HSDL2: variants seen among roughly 807,000 people sequenced by gnomAD.
HSDL2 encodes hydroxysteroid dehydrogenase like 2.
A neutral mutation model predicts 46.3 loss-of-function variants in HSDL2; 27 were observed. That is an observed-to-expected ratio of 0.58 (90% CI 0.43 to 0.80). The LOEUF is 0.80. Ranked by LOEUF, HSDL2 falls within the 30% of genes least tolerant of loss-of-function variation. HSDL2 has a pLI of 0.00. For missense variants in HSDL2, 451 were observed against 502.7 expected (o/e 0.90, Z 0.98); for synonymous variants, 153 against 163.6 (o/e 0.94, Z 0.50).
intron 6 of HSDL2, among the ~76,000 whole-genome samples, chr9:112,426,702 A>G (rs925358924): frequency 1.3e-5 from 2 of 152,222 alleles, no homozygotes; most frequent in African/African-American, 4.8e-5. Flanking sequence ...GAAATAAAGA[A>G]CCAGTCCCTC....
At chr9:112,400,577 A>G (rs1179733902) in intron 1 of HSDL2, among the ~76,000 whole-genome samples, 1 of 152,264 alleles carries the variant, frequency 6.6e-6, no homozygotes, top group Non-Finnish European at 1.5e-5. Flanking sequence ...ACTGCACTCC[A>G]TCCTGGTGAC....
At chr9:112,462,919 A>G (rs1158818239) in intron 10 of HSDL2, among the ~76,000 whole-genome samples, 1 of 152,198 alleles carries the variant, frequency 6.6e-6, no homozygotes, top group Non-Finnish European at 1.5e-5. Context: ...ATTTCTGGAC[A>G]TTTTATATAT....
chr9:112,428,594 G>A (rs996107225), intron 6 of HSDL2, among the ~76,000 whole-genome samples: 1 of 152,136 alleles, frequency 6.6e-6, no homozygotes, highest in Admixed American at 6.6e-5. Flanking sequence ...TAGTGGAATC[G>A]AATAGAAAAT....
intron 10 of HSDL2, among the ~76,000 whole-genome samples, chr9:112,469,168 T>C (rs935942193): frequency 6.6e-6 from 1 of 152,148 alleles, no homozygotes; most frequent in African/African-American, 2.4e-5. Context: ...TTTCTACCTA[T>C]AATAACTCCA....
chr9:112,406,719 C>G (rs1351783223), intron 3 of HSDL2, among the ~76,000 whole-genome samples: 1 of 152,230 alleles, frequency 6.6e-6, no homozygotes, highest in African/African-American at 2.4e-5. Context: ...CCACCCAACT[C>G]AGCCTCCCAA....
At chr9:112,443,180 C>G (rs1317313369) in intron 8 of HSDL2, among the ~76,000 whole-genome samples, 1 of 152,166 alleles carries the variant, frequency 6.6e-6, no homozygotes, top group African/African-American at 2.4e-5. Flanking sequence ...TTGGATCTGT[C>G]TTTTAGAAGA....
intron 6 of HSDL2, among the ~76,000 whole-genome samples, chr9:112,422,846 T>G (rs999922910): frequency 6.6e-6 from 1 of 152,220 alleles, no homozygotes; most frequent in African/African-American, 2.4e-5. Flanking sequence ...TTCCAAGCCT[T>G]CAGGCAGAAT....
chr9:112,388,002 T>G (rs771388085), intron 1 of HSDL2, among the ~76,000 whole-genome samples: 1 of 151,386 alleles, frequency 6.6e-6, no homozygotes, highest in Non-Finnish European at 1.5e-5. Flanking sequence ...CCACAAAAAA[T>G]AAAAAAATTA....
chr9:112,460,500 A>G (rs532409548), intron 10 of HSDL2, among the ~76,000 whole-genome samples: 93 of 152,322 alleles, frequency 6.1e-4, no homozygotes, highest in African/African-American at 2.1e-3. Context: ...TGGAATCCCA[A>G]TGCTTTGGGA....
chr9:112,421,799 G>A (rs1564117237), intron 6 of HSDL2, among the ~76,000 whole-genome samples: 1 of 152,180 alleles, frequency 6.6e-6, no homozygotes, highest in Non-Finnish European at 1.5e-5. Flanking sequence ...TGGAATTCAT[G>A]TCCCTGCCGT....
At chr9:112,450,910 C>T (rs1832870961) in intron 8 of HSDL2, among the ~76,000 whole-genome samples, 1 of 152,018 alleles carries the variant, frequency 6.6e-6, no homozygotes, top group Non-Finnish European at 1.5e-5. Flanking sequence ...TCTTCAAAAA[C>T]AACTTTTTGA....
chr9:112,413,347 A>G (rs1477116179), intron 4 of HSDL2, among the ~76,000 whole-genome samples: 1 of 151,932 alleles, frequency 6.6e-6, no homozygotes, highest in African/African-American at 2.4e-5. Flanking sequence ...GTGTGGTGGC[A>G]CACGCCTGTA....
At chr9:112,386,656 C>A (rs995345578) in intron 1 of HSDL2, among the ~76,000 whole-genome samples, 5 of 151,436 alleles carry the variant, frequency 3.3e-5, no homozygotes, top group African/African-American at 7.3e-5. Context: ...TGGTGATGCA[C>A]ACCCGTGATC....
intron 5 of HSDL2, among the ~76,000 whole-genome samples, chr9:112,417,344 G>T (rs562493937): frequency 6.6e-6 from 1 of 151,914 alleles, no homozygotes; most frequent in African/African-American, 2.4e-5. Context: ...TCTTAGACAG[G>T]TATGCACCTG....
rs1314444645 is a variant in HSDL2, at chr9:112,471,746, G to C, written c.*1202G>C. On this transcript the variant is annotated 3_prime_UTR_variant, in exon 11 of 11. Transcript: ENST00000398805. ...CCCTAGCAAGCTAATACAGTGGTTT[G>C]AGAGGCTGGGAGGGTTGAGGGGAAG... 6.6e-6 allele frequency: 1 copy of C among 152,162 alleles called. No individual in the cohort carries two copies. The highest frequency in any genetic ancestry group is 2.4e-5 in the African/African-American group (1 of 41,448). The allele number at this position is 152,162 out of a possible 1,614,324, so 9.4% of individuals were successfully genotyped here. A position where few individuals can be genotyped will look rare whatever the true frequency, so the allele number is the denominator to read the frequency against.
In HSDL2 at chr9:112,465,713, G is replaced by A. The variant is rs150338888; in HGVS notation, c.1145-4719G>A. Reference sequence around the variant, plus strand: ...CATAATGTTTTTGAGGTTCATCCAAGCTGTAGCATGTATCAGCACCTCATT... The same window carrying A: ...CATAATGTTTTTGAGGTTCATCCAAACTGTAGCATGTATCAGCACCTCATT... On this transcript the variant is annotated intron_variant, in intron 10 of 10. Coordinates refer to ENST00000398805, the MANE Select transcript of HSDL2 (RefSeq NM_032303.5). Among the ~76,000 whole-genome samples, 6 of 152,284 alleles carry A rather than the reference G, an allele frequency of 3.9e-5. No individual in the cohort carries two copies. In the East Asian group the frequency reaches 1.2e-3, roughly 29 times the overall value.
chr9:112,466,646 T>G (rs1833397425), intron 10 of HSDL2, among the ~76,000 whole-genome samples: 1 of 152,218 alleles, frequency 6.6e-6, no homozygotes, highest in Non-Finnish European at 1.5e-5. Flanking sequence ...GGTTGTTTTT[T>G]CACTTTCTTG....
chr9:112,381,679 ATAT>A (rs1831100983), intron 1 of HSDL2, among the ~76,000 whole-genome samples: 1 of 152,080 alleles, frequency 6.6e-6, no homozygotes, highest in Non-Finnish European at 1.5e-5. Context: ...TGGTTGCATA[ATAT>A]TCTGTAACAG....
At chr9:112,428,833 G>A (rs1832314599) in intron 6 of HSDL2, among the ~76,000 whole-genome samples, 2 of 152,128 alleles carry the variant, frequency 1.3e-5, no homozygotes, top group African/African-American at 4.8e-5. Context: ...TAAAAAGGGA[G>A]GTCTCTGAGG....
Sources: gnomAD v4.1 joint callset for allele counts (sites outside exome capture counted in the v4.1 genomes callset) on GRCh38, gnomAD v4.1.1 for gene constraint, MANE v1.5 for transcripts, NCBI Gene and HGNC (gene_info 2026-07-23, HGNC 2026-07-21) for gene names.